The following ANKRD42 variants were observed in gnomAD, a reference collection of about 807,000 sequenced individuals.
The protein encoded by ANKRD42 is ankyrin repeat domain-containing protein 42.
Under a neutral mutation model 51.5 loss-of-function variants are expected in ANKRD42, and 43 were observed. The ratio of observed to expected loss-of-function variants is 0.83; its 90% CI spans 0.65 to 1.08. The LOEUF is 1.08. ANKRD42 is among the 50% of genes least tolerant of loss of function. ANKRD42 has a pLI of 0.00. For synonymous variants in ANKRD42, 203 were observed against 213.0 expected, an observed-to-expected ratio of 0.95 and a Z score of 0.41; for missense variants, 608 against 629.3, an observed-to-expected ratio of 0.97 and a Z score of 0.36.
chr11:83,224,217 A>G (rs1862803935), intron 5 of ANKRD42, among the ~76,000 whole-genome samples: 1 of 152,182 alleles, frequency 6.6e-6, no homozygotes, highest in Non-Finnish European at 1.5e-5. Context: ...TGACAAATGC[A>G]TAGTGATAAA....
At chr11:83,246,376 T>C (rs1180586678) in intron 10 of ANKRD42, among the ~76,000 whole-genome samples, 1 of 152,210 alleles carries the variant, frequency 6.6e-6, no homozygotes, top group Non-Finnish European at 1.5e-5. Context: ...ACCATTTTAA[T>C]GTAAGGGACT....
intron 9 of ANKRD42, among the ~76,000 whole-genome samples, chr11:83,241,268 C>G (rs1056429135): frequency 3.9e-5 from 6 of 152,062 alleles, no homozygotes; most frequent in African/African-American, 1.4e-4. Flanking sequence ...ATAATAATAG[C>G]AACAAATATT....
At chr11:83,214,469 T>C (rs1862451569) in intron 5 of ANKRD42, 1 of 979,560 alleles carries the variant, frequency 1.0e-6, no homozygotes, top group African/African-American at 1.8e-5. Context: ...ATTGTTTCTT[T>C]AAACATGTAT....
chr11:83,251,625 T>A (rs191975458), downstream of ANKRD42, among the ~76,000 whole-genome samples: 1 of 152,326 alleles, frequency 6.6e-6, no homozygotes, highest in Admixed American at 6.5e-5. Context: ...TATAAACCCC[T>A]CACATTCCCT....
downstream of ANKRD42, chr11:83,262,005 GTAATTATT>G (rs1565205272): frequency 7.3e-7 from 1 of 1,366,166 alleles, no homozygotes; most frequent in Non-Finnish European, 1.0e-6. Flanking sequence ...TCTTGTATCT[GTAATTATT>G]TTGCAGAGAT....
At chr11:83,263,086 AT>A (rs143625866), downstream of ANKRD42, among the ~76,000 whole-genome samples, 2,755 of 151,982 alleles carry the variant, frequency 0.018, 65 homozygotes, top group African/African-American at 0.058. Flanking sequence ...CTCCAAAGCC[AT>A]TTTTTTTCTC....
chr11:83,220,278 A>C (rs1402142608), intron 5 of ANKRD42, among the ~76,000 whole-genome samples: 1 of 151,834 alleles, frequency 6.6e-6, no homozygotes, highest in African/African-American at 2.4e-5. Flanking sequence ...AGACAGCCTG[A>C]CACCTGTGTC....
chr11:83,225,863 T>C (rs959153137), intron 6 of ANKRD42, among the ~76,000 whole-genome samples: 72 of 152,040 alleles, frequency 4.7e-4, no homozygotes, highest in Non-Finnish European at 7.8e-4. Context: ...CATTACCTTT[T>C]CTTCCTCCTC....
chr11:83,223,500 A>G (rs1167078316), intron 5 of ANKRD42, among the ~76,000 whole-genome samples: 1 of 152,196 alleles, frequency 6.6e-6, no homozygotes, highest in Non-Finnish European at 1.5e-5. Context: ...AGGGGAGTCA[A>G]GGATGGCTCC....
In ANKRD42 at chr11:83,248,236, C is replaced by G. The variant is rs375113152; in HGVS notation, c.*32C>G. The G allele has an allele frequency of 6.2e-6, 9 of 1,458,628 alleles. No individual in the cohort carries two copies. In the South Asian group the frequency reaches 9.8e-5, roughly 16 times the overall value. 90.4% of individuals were successfully genotyped at this position (1,458,628 alleles called of 1,614,324 possible). On this transcript the variant is annotated 3_prime_UTR_variant, in exon 11 of 11. Transcript: ENST00000533342. The stretch of plus-strand genomic sequence containing the variant: ...CTACTCATTTAACCTTTTTGTGCCT[C>G]AACTATAAACTGGAGATGATAACTT...
intron 5 of ANKRD42, among the ~76,000 whole-genome samples, chr11:83,222,271 C>A (rs951026975): frequency 1.4e-4 from 21 of 152,152 alleles, no homozygotes; most frequent in Admixed American, 1.3e-3. Flanking sequence ...GAACTAGAAA[C>A]CCTCTCAAAA....
intron 11 of ANKRD42, among the ~76,000 whole-genome samples, chr11:83,255,222 T>C (rs754304768): frequency 2.6e-4 from 40 of 152,346 alleles, no homozygotes; most frequent in Non-Finnish European, 5.0e-4. Context: ...GATTAATATC[T>C]AGTGACCATC....
At chr11:83,234,188 C>T (rs1361801629) in intron 7 of ANKRD42, among the ~76,000 whole-genome samples, 1 of 152,094 alleles carries the variant, frequency 6.6e-6, no homozygotes, top group Non-Finnish European at 1.5e-5. Context: ...TAAGACATTA[C>T]CCTTTTCTTG....
intron 6 of ANKRD42, among the ~76,000 whole-genome samples, chr11:83,226,861 T>C (rs1019996949): frequency 4.6e-5 from 7 of 152,172 alleles, no homozygotes; most frequent in African/African-American, 1.7e-4. Flanking sequence ...TCTATTGTAT[T>C]AGGTATTGTG....
chr11:83,197,101 A>T (rs189774629), intron 1 of ANKRD42, among the ~76,000 whole-genome samples: 12 of 152,278 alleles, frequency 7.9e-5, no homozygotes, highest in African/African-American at 2.9e-4. Context: ...GTGTATGTGT[A>T]CATGTGCACA....
At chr11:83,246,990 C>T (rs520291) in intron 10 of ANKRD42, among the ~76,000 whole-genome samples, 108,900 of 151,834 alleles carry the variant, frequency 0.72, 39,782 homozygotes, top group Middle Eastern at 0.84. Flanking sequence ...TTTTAGACAC[C>T]AGGAAGCTGT....
intron 5 of ANKRD42, among the ~76,000 whole-genome samples, chr11:83,219,976 T>C (rs1862665415): frequency 6.6e-6 from 1 of 152,158 alleles, no homozygotes; most frequent in Non-Finnish European, 1.5e-5. Context: ...TGATCCTGCC[T>C]AGTGGGAATA....
intron 7 of ANKRD42, among the ~76,000 whole-genome samples, chr11:83,234,004 G>GT (rs1331177722): frequency 1.3e-5 from 2 of 152,046 alleles, no homozygotes; most frequent in Non-Finnish European, 2.9e-5. Flanking sequence ...TTTATGTGAA[G>GT]TTTTTTCTCT....
chr11:83,262,244 GACT>G (rs1292810868), downstream of ANKRD42, among the ~76,000 whole-genome samples: 10 of 149,808 alleles, frequency 6.7e-5, no homozygotes, highest in Admixed American at 5.9e-4. Context: ...TAGCATTATT[GACT>G]ACTTTAAATA....
Sources: gnomAD v4.1 joint callset for allele counts (sites outside exome capture counted in the v4.1 genomes callset) on GRCh38, gnomAD v4.1.1 for gene constraint, MANE v1.5 for transcripts, NCBI Gene and HGNC (gene_info 2026-07-23, HGNC 2026-07-21) for gene names.